Variants in GPR55 observed in about 807,000 individuals in gnomAD.
The protein encoded by GPR55 is G protein-coupled receptor 55.
GPR55 carries 6 observed loss-of-function variants against 7.9 expected under a neutral mutation model. The observed-to-expected ratio is 0.76, with a 90% CI of 0.41 to 1.49. GPR55 has a LOEUF of 1.49. GPR55 is among the 40% of genes most tolerant of loss of function. GPR55 has a pLI of 0.01. For missense variants in GPR55, 376 were observed against 406.0 expected (o/e 0.93, Z 0.63); for synonymous variants, 183 against 166.8 (o/e 1.10, Z -0.75).
At position 230,910,723 on chromosome 2, in the gene GPR55, C is replaced by G; in HGVS notation, c.240G>C (p.Lys80Asn). The G allele has an allele frequency of 6.2e-7, 1 of 1,614,066 alleles. No individual in the cohort carries two copies. Among genetic ancestry groups the G allele is most frequent in the Non-Finnish European group, 8.5e-7 (1 of 1,179,938 alleles). ...DLLLVLSLPF[K>N]MVLSQVQSPF... ...GGGACTGTACCTGGGACAGGACCAT[C>G]TTGAATGGGAGGGAGAGCACCAGCA... is the stretch of plus-strand genomic sequence containing the variant. The change falls in exon 2 of 2, where the codon AAG (lysine) becomes AAC (asparagine). Residue 80 changes from lysine to asparagine, a missense_variant. Transcript: ENST00000650999. This position sits in a 1 kb window ranked among gnomAD's most constrained non-coding sequence, Gnocchi z 5.4.
intron 1 of GPR55, among the ~76,000 whole-genome samples, chr2:230,948,162 T>C (rs573025336): frequency 2.0e-5 from 3 of 150,850 alleles, no homozygotes; most frequent in African/African-American, 7.3e-5. Flanking sequence ...GCCCCTATGC[T>C]TGGTCTGTGT....
At chr2:230,939,798 G>A (rs1056342957) in intron 1 of GPR55, among the ~76,000 whole-genome samples, 1 of 152,172 alleles carries the variant, frequency 6.6e-6, no homozygotes, top group Non-Finnish European at 1.5e-5. Context: ...GCATCCCCAG[G>A]CACGATGGGT....
In GPR55 at chr2:230,910,936, G is replaced by T. The variant is rs1439624792; in HGVS notation, c.27C>A (p.Asp9Glu). Residue 9 changes from aspartate to glutamate, a missense_variant, in exon 2 of 2, where the codon GAC (aspartate) becomes GAA (glutamate). Coordinates refer to ENST00000650999, the MANE Select transcript of GPR55 (RefSeq NM_005683.4). This position sits in a 1 kb window ranked among gnomAD's most constrained non-coding sequence, Gnocchi z 5.4. MSQQNTSG[D>E]CLFDGVNELM... ...GCTCGTTGACACCGTCAAACAGGCA[G>T]TCCCCACTGGTGTTTTGCTGACTCA... 6.2e-7 allele frequency: 1 copy of T among 1,605,566 alleles called. No homozygotes were observed. The highest frequency in any genetic ancestry group is 8.5e-7 in the Non-Finnish European group (1 of 1,173,348).
rs377216021 is a variant in GPR55, at chr2:230,941,631, A to C, written c.-135+19144T>G. On this transcript the variant is annotated intron_variant, in intron 1 of 1. Transcript: ENST00000392039. ...CTGTGGCTGGAGGAAGCTCAGGGAC[A>C]AATGAGGTCCCAGTCTCATCTCTGG... 1.6e-4 allele frequency among the ~76,000 whole-genome samples: 25 copies of C among 152,170 alleles called. No homozygotes were observed. In the East Asian group the frequency reaches 1.7e-3, roughly 11 times the overall value.
In GPR55 at chr2:230,908,403, C is replaced by A. The variant is rs1690505360; in HGVS notation, c.*1600G>T. 3 of 152,556 alleles carry A rather than the reference C, an allele frequency of 2.0e-5. No individual in the cohort carries two copies. Among genetic ancestry groups the A allele is most frequent in the Admixed American group, 6.5e-5 (1 of 15,286 alleles). The allele number at this position is 152,556 out of a possible 1,614,324, so 9.5% of individuals were successfully genotyped here. A position where few individuals can be genotyped will look rare whatever the true frequency, so the allele number is the denominator to read the frequency against. ...TCCTGTCCGTCCATGGCTCTTAGGC[C>A]AGCTGGGAAAGCTCTCAGGCAGGAA... On this transcript the variant is annotated 3_prime_UTR_variant, in exon 2 of 2. Transcript: ENST00000650999.
chr2:230,921,097 C>T (rs994147152), intron 1 of GPR55, among the ~76,000 whole-genome samples: 2 of 152,020 alleles, frequency 1.3e-5, no homozygotes, highest in East Asian at 3.8e-4. Flanking sequence ...GGAGACTCCA[C>T]AAGAGTGAAA....
intron 1 of GPR55, among the ~76,000 whole-genome samples, chr2:230,949,974 C>T (rs1691375219): frequency 1.3e-5 from 2 of 151,686 alleles, no homozygotes; most frequent in South Asian, 4.1e-4. Flanking sequence ...GCTGGGATTA[C>T]AGGCAACCAC....
intron 1 of GPR55, among the ~76,000 whole-genome samples, chr2:230,934,412 A>G (rs1866232): frequency 0.43 from 65,207 of 152,094 alleles, 16,739 homozygotes; most frequent in African/African-American, 0.73. Flanking sequence ...GTTAGTTCCC[A>G]GGACCAAATG....
In GPR55 at chr2:230,944,518, C is replaced by T. The variant is rs954510471; in HGVS notation, c.-135+16257G>A. ...CCACAACAGAGATGACTGTGACACC[C>T]GGCACAAGATTTAATTCTCAGAGTG... On this transcript the variant is annotated intron_variant, in intron 1 of 1. Transcript: ENST00000392039. The surrounding 1 kb of genome is among the most constrained non-coding windows in gnomAD (Gnocchi z 4.2). Among the ~76,000 whole-genome samples the T allele has an allele frequency of 6.6e-6, 1 of 152,112 alleles. No homozygotes were observed. The highest frequency in any genetic ancestry group is 1.5e-5 in the Non-Finnish European group (1 of 68,036).
chr2:230,936,083 C>A (rs879327482), intron 1 of GPR55, among the ~76,000 whole-genome samples: 10 of 152,080 alleles, frequency 6.6e-5, no homozygotes, highest in Non-Finnish European at 1.5e-4. Flanking sequence ...GGCAGAGAGA[C>A]TGGAATGCAC....
upstream of GPR55, among the ~76,000 whole-genome samples, chr2:230,929,214 A>G (rs1272809993): frequency 1.3e-5 from 2 of 151,992 alleles, no homozygotes; most frequent in South Asian, 2.1e-4. Context: ...TGGGTGCTAT[A>G]CCACACGAAG....
At chr2:230,949,124 A>G (rs901187006) in intron 1 of GPR55, among the ~76,000 whole-genome samples, 1 of 151,838 alleles carries the variant, frequency 6.6e-6, no homozygotes, top group African/African-American at 2.4e-5. Context: ...TCACTACATC[A>G]ACAGGCCCTA....
chr2:230,953,740 T>G (rs1691438958), intron 1 of GPR55, among the ~76,000 whole-genome samples: 1 of 152,188 alleles, frequency 6.6e-6, no homozygotes, highest in Non-Finnish European at 1.5e-5. Context: ...GTCCCTCAGC[T>G]GATTATAAGG....
intron 1 of GPR55, among the ~76,000 whole-genome samples, chr2:230,931,228 T>C (rs1487530759): frequency 1.3e-5 from 2 of 152,324 alleles, no homozygotes; most frequent in Admixed American, 1.3e-4. Flanking sequence ...CAAGGAGACG[T>C]CATTGCCAAT....
At chr2:230,928,242 G>A (rs1559174584), upstream of GPR55, among the ~76,000 whole-genome samples, 2 of 152,184 alleles carry the variant, frequency 1.3e-5, no homozygotes, top group African/African-American at 4.8e-5. Flanking sequence ...GGGCAGCAGG[G>A]GTTGGGTTGG....
chr2:230,959,967 A>G (rs1691544334), intron 1 of GPR55, among the ~76,000 whole-genome samples: 2 of 152,248 alleles, frequency 1.3e-5, no homozygotes, highest in South Asian at 4.1e-4. Context: ...TCAGACTCAG[A>G]AAAGCTCTCC....
intron 1 of GPR55, among the ~76,000 whole-genome samples, chr2:230,920,991 A>T (rs556118435): frequency 7.2e-5 from 11 of 152,216 alleles, no homozygotes; most frequent in Non-Finnish European, 1.5e-4. Flanking sequence ...AAATGATAGC[A>T]TAATCTTTGG....
intron 1 of GPR55, among the ~76,000 whole-genome samples, chr2:230,933,205 C>A (rs981956620): frequency 4.3e-5 from 3 of 69,194 alleles, no homozygotes; most frequent in African/African-American, 2.2e-4. Flanking sequence ...TCCCTCCGCC[C>A]TCTCTGCCTG....
Position 230,944,988 on chromosome 2 carries a change from T to C in GPR55, c.-135+15787A>G, listed in dbSNP as rs1466285550. Among the ~76,000 whole-genome samples, 1 of 152,198 alleles carries C rather than the reference T, an allele frequency of 6.6e-6. No individual in the cohort carries two copies. The highest frequency in any genetic ancestry group is 1.5e-5 in the Non-Finnish European group (1 of 68,034). ...AAGAACCAGGTAAGGTTCCCGCACA[T>C]CGCCCTCCATGAAGCAGGAGCAGGA... On this transcript the variant is annotated intron_variant, in intron 1 of 1. Coordinates refer to the GPR55 transcript ENST00000392039. This position sits in a 1 kb window ranked among gnomAD's most constrained non-coding sequence, Gnocchi z 4.2.
Sources: allele counts gnomAD v4.1 joint callset (sites outside exome capture counted in the v4.1 genomes callset), GRCh38; gene constraint gnomAD v4.1.1; non-coding constraint Gnocchi (gnomAD v3.1); transcripts MANE v1.5; gene names NCBI Gene and HGNC (gene_info 2026-07-23, HGNC 2026-07-21).